Variants in GRIA4 observed in about 807,000 individuals in gnomAD.
The protein encoded by GRIA4 is glutamate ionotropic receptor AMPA type subunit 4, also known as glutamate receptor 4.
A neutral mutation model predicts 104.0 loss-of-function variants in GRIA4; 34 were observed. The observed-to-expected ratio is 0.33, with a 90% CI of 0.25 to 0.44. The LOEUF (loss-of-function observed/expected upper bound fraction) is 0.44, where lower values mean the gene tolerates loss of function less well. GRIA4 is among the 20% of genes least tolerant of loss of function. The probability of loss-of-function intolerance (pLI) is 1.00; values close to 1 mark genes in which losing one functional copy is unlikely to be tolerated. For synonymous variants in GRIA4, 386 were observed against 381.9 expected, an observed-to-expected ratio of 1.01 and a Z score of -0.13; for missense variants, 750 against 1,096.5, an observed-to-expected ratio of 0.68 and a Z score of 4.46.
At chr11:105,625,678 A>G (rs1343804107) in intron 3 of GRIA4, among the ~76,000 whole-genome samples, 2 of 152,076 alleles carry the variant, frequency 1.3e-5, no homozygotes, top group Non-Finnish European at 2.9e-5. Context: ...TTCTGTCTGG[A>G]TGGGAATATT....
At chr11:105,820,476 C>G (rs1824242069) in intron 4 of GRIA4, among the ~76,000 whole-genome samples, 1 of 152,038 alleles carries the variant, frequency 6.6e-6, no homozygotes, top group Admixed American at 6.6e-5. Context: ...TGTCGGCTCC[C>G]CCATGCCAGG....
intron 3 of GRIA4, among the ~76,000 whole-genome samples, chr11:105,716,784 T>G (rs1441071216): frequency 6.6e-6 from 1 of 152,144 alleles, no homozygotes; most frequent in Non-Finnish European, 1.5e-5. Context: ...GCAAACATTA[T>G]GTAAAAGTGG....
At chr11:105,680,456 T>TC (rs568288474) in intron 3 of GRIA4, among the ~76,000 whole-genome samples, 66 of 152,186 alleles carry the variant, frequency 4.3e-4, no homozygotes, top group African/African-American at 1.5e-3. Context: ...CAAAAAAAGG[T>TC]CATTTCTGAA....
At chr11:105,826,856 G>A (rs940647134) in intron 4 of GRIA4, among the ~76,000 whole-genome samples, 1 of 151,940 alleles carries the variant, frequency 6.6e-6, no homozygotes, top group Non-Finnish European at 1.5e-5. Flanking sequence ...GCACTATATC[G>A]GCAGCTGTCT....
chr11:105,660,934 G>C (rs1451287466), intron 3 of GRIA4, among the ~76,000 whole-genome samples: 1 of 151,560 alleles, frequency 6.6e-6, no homozygotes, highest in Admixed American at 6.6e-5. Flanking sequence ...AGTTTATAGA[G>C]AAGGTAAAGA....
intron 3 of GRIA4, among the ~76,000 whole-genome samples, chr11:105,648,669 G>A (rs1454890633): frequency 6.6e-6 from 1 of 152,052 alleles, no homozygotes; most frequent in African/African-American, 2.4e-5. Context: ...GAAATCGAGA[G>A]AGGCTAAAAG....
chr11:105,949,054 T>A (rs1451809291), intron 14 of GRIA4, among the ~76,000 whole-genome samples: 3 of 152,190 alleles, frequency 2.0e-5, no homozygotes, highest in Non-Finnish European at 4.4e-5. Flanking sequence ...TCATTTAGTG[T>A]TCTTTCCTTG....
chr11:105,960,365 C>T (rs1243315753), intron 14 of GRIA4, among the ~76,000 whole-genome samples: 1 of 152,182 alleles, frequency 6.6e-6, no homozygotes, highest in African/African-American at 2.4e-5. Flanking sequence ...GAATGGGTCA[C>T]GATTAGGCCT....
chr11:105,843,462 A>G (rs2135965873), intron 4 of GRIA4, among the ~76,000 whole-genome samples: 1 of 152,320 alleles, frequency 6.6e-6, no homozygotes, highest in Admixed American at 6.5e-5. Context: ...CTAAAAATTA[A>G]TTTGGCTCTT....
At chr11:105,642,777 T>G (rs1951408581) in intron 3 of GRIA4, among the ~76,000 whole-genome samples, 1 of 152,178 alleles carries the variant, frequency 6.6e-6, no homozygotes, top group African/African-American at 2.4e-5. Context: ...TTGCAAAGCC[T>G]TGTCCCCCAC....
chr11:105,616,898 T>C (rs1950614855), intron 3 of GRIA4, among the ~76,000 whole-genome samples: 1 of 151,594 alleles, frequency 6.6e-6, no homozygotes, highest in Non-Finnish European at 1.5e-5. Flanking sequence ...TAATTTTTCA[T>C]CCTGAGATTG....
chr11:105,641,378 C>G (rs1951354239), intron 3 of GRIA4, among the ~76,000 whole-genome samples: 1 of 152,170 alleles, frequency 6.6e-6, no homozygotes, highest in African/African-American at 2.4e-5. Flanking sequence ...ACTCTTGTCA[C>G]TCATGCTCCT....
At chr11:105,890,375 A>G (rs1946413441) in intron 6 of GRIA4, among the ~76,000 whole-genome samples, 1 of 152,202 alleles carries the variant, frequency 6.6e-6, no homozygotes, top group South Asian at 2.1e-4. Context: ...TTTGAGCTGA[A>G]ATACAGAAAG....
intron 13 of GRIA4, among the ~76,000 whole-genome samples, chr11:105,928,866 A>C (rs1161717398): frequency 1.3e-5 from 2 of 152,082 alleles, no homozygotes; most frequent in Non-Finnish European, 2.9e-5. Context: ...GGTGAGGTAG[A>C]TAAGAGAATA....
At chr11:105,902,085 A>G (rs1382320148) in intron 7 of GRIA4, among the ~76,000 whole-genome samples, 1 of 152,144 alleles carries the variant, frequency 6.6e-6, no homozygotes. Context: ...ATCCCAATCA[A>G]TTGTGAAGGG....
chr11:105,737,243 A>C (rs1363456397), intron 3 of GRIA4, among the ~76,000 whole-genome samples: 2 of 152,246 alleles, frequency 1.3e-5, no homozygotes, highest in East Asian at 3.9e-4. Flanking sequence ...AATGTTTGAA[A>C]ATTGTTTTTG....
At chr11:105,677,446 T>C (rs1411515918) in intron 3 of GRIA4, among the ~76,000 whole-genome samples, 1 of 151,792 alleles carries the variant, frequency 6.6e-6, no homozygotes, top group African/African-American at 2.4e-5. Flanking sequence ...ATCAGCAAAT[T>C]AAGATGTAAA....
intron 4 of GRIA4, among the ~76,000 whole-genome samples, chr11:105,836,556 C>T (rs920767600): frequency 8.5e-5 from 13 of 152,134 alleles, no homozygotes; most frequent in Non-Finnish European, 1.2e-4. Flanking sequence ...ACTTTCCTCC[C>T]CTTAGGCTTC....
intron 3 of GRIA4, among the ~76,000 whole-genome samples, chr11:105,729,400 T>C (rs1240656358): frequency 6.6e-6 from 1 of 152,150 alleles, no homozygotes; most frequent in Non-Finnish European, 1.5e-5. Flanking sequence ...ACCAGACAGA[T>C]TCAGACCCAA....
Sources: allele counts gnomAD v4.1 joint callset (sites outside exome capture counted in the v4.1 genomes callset), GRCh38; gene constraint gnomAD v4.1.1; transcripts MANE v1.5; gene names NCBI Gene and HGNC (gene_info 2026-07-23, HGNC 2026-07-21).